Variants in MAP4 observed in about 807,000 individuals in gnomAD.
MAP4 encodes the protein microtubule-associated protein 4.
In MAP4, 76 loss-of-function variants were observed where a neutral mutation model predicts 170.2. The observed-to-expected ratio is 0.45, with a 90% CI of 0.37 to 0.54. The LOEUF is 0.54. MAP4 is among the 20% of genes least tolerant of loss of function. MAP4 has a pLI of 0.00. For missense variants in MAP4, 2,506 were observed against 2,748.0 expected (o/e 0.91, Z 1.97); for synonymous variants, 909 against 994.5 (o/e 0.91, Z 1.62).
chr3:47,866,226 A>T (rs192370367), intron 17 of MAP4, among the ~76,000 whole-genome samples: 3 of 152,012 alleles, frequency 2.0e-5, no homozygotes, highest in Admixed American at 2.0e-4. Flanking sequence ...AGCCCCAGCT[A>T]CTTGGGAGGC....
In MAP4 at chr3:47,855,781, C is replaced by T. The variant is rs527447376; in HGVS notation, c.6584-421G>A. The stretch of plus-strand genomic sequence containing the variant: ...AATTCTCATGAATGCCCTGTCATCA[C>T]GGCCACGGTCCCTGCTTCCCAGCCG... On this transcript the variant is annotated intron_variant, in intron 18 of 20. Coordinates refer to ENST00000683076, the MANE Select transcript of MAP4 (RefSeq NM_001385682.1). This position sits in a 1 kb window ranked among gnomAD's most constrained non-coding sequence, Gnocchi z 5.1. Among the ~76,000 whole-genome samples the T allele has an allele frequency of 1.2e-4, 18 of 152,308 alleles. No homozygotes were observed. In the South Asian group the frequency reaches 3.5e-3, roughly 30 times the overall value.
chr3:47,897,540 T>C (rs2153224434), intron 10 of MAP4, among the ~76,000 whole-genome samples: 1 of 152,184 alleles, frequency 6.6e-6, no homozygotes, highest in East Asian at 1.9e-4. Flanking sequence ...TGCATACACA[T>C]GTGTGTGTAT....
At chr3:47,864,053 T>C (rs188698882) in intron 17 of MAP4, among the ~76,000 whole-genome samples, 3 of 151,890 alleles carry the variant, frequency 2.0e-5, no homozygotes, top group East Asian at 1.9e-4. Flanking sequence ...TCACGGCTCA[T>C]TGCAGTCTCA....
At chr3:47,936,580 G>A (rs905921426) in intron 3 of MAP4, among the ~76,000 whole-genome samples, 7 of 151,572 alleles carry the variant, frequency 4.6e-5, no homozygotes, top group Admixed American at 3.9e-4. Flanking sequence ...TCTTATAATG[G>A]CACACGTAAC....
intron 16 of MAP4, 113 bp from the exon 17 acceptor site, chr3:47,867,451 T>A: frequency 1.3e-6 from 1 of 742,240 alleles, no homozygotes; most frequent in Non-Finnish European, 2.4e-6. Flanking sequence ...AAAGTGTTGT[T>A]AAACCTCCAC....
intron 1 of MAP4, among the ~76,000 whole-genome samples, chr3:48,025,658 G>C (rs572463610): frequency 6.6e-6 from 1 of 151,772 alleles, no homozygotes; most frequent in Non-Finnish European, 1.5e-5. Flanking sequence ...CAGCACTTTG[G>C]GCGGTCAAGG....
chr3:47,982,874 A>G (rs1040824218), intron 2 of MAP4, among the ~76,000 whole-genome samples: 2 of 152,168 alleles, frequency 1.3e-5, no homozygotes, highest in Non-Finnish European at 2.9e-5. Flanking sequence ...GAAATAAATA[A>G]GATTACATGA....
intron 1 of MAP4, among the ~76,000 whole-genome samples, chr3:48,013,934 G>C (rs1176327139): frequency 6.6e-6 from 1 of 152,128 alleles, no homozygotes; most frequent in African/African-American, 2.4e-5. Context: ...TTGTATATCT[G>C]ATCTTTCATT....
intron 3 of MAP4, chr3:47,973,797 C>A (rs183099950): frequency 2.0e-6 from 2 of 985,260 alleles, no homozygotes; most frequent in Admixed American, 1.2e-4. Context: ...CGAAAGAAAC[C>A]CCAAAATCAA....
chr3:48,059,661 G>A (rs2100134124), intron 1 of MAP4, among the ~76,000 whole-genome samples: 1 of 151,976 alleles, frequency 6.6e-6, no homozygotes, highest in Admixed American at 6.6e-5. Context: ...TGGGCTGGGT[G>A]CAGTGGCTCA....
intron 1 of MAP4, among the ~76,000 whole-genome samples, chr3:48,025,433 C>T (rs190082522): frequency 3.1e-4 from 47 of 151,668 alleles, no homozygotes; most frequent in African/African-American, 1.1e-3. Flanking sequence ...GCAGTACAGG[C>T]GTGCATCACC....
At chr3:47,969,876 G>C (rs542450809) in intron 3 of MAP4, among the ~76,000 whole-genome samples, 141 of 151,528 alleles carry the variant, frequency 9.3e-4, no homozygotes, top group African/African-American at 3.3e-3. Flanking sequence ...AAAAAAAAGA[G>C]TCTTAAGCAA....
At chr3:48,079,949 C>CA (rs535174502) in intron 1 of MAP4, among the ~76,000 whole-genome samples, 12,246 of 110,626 alleles carry the variant, frequency 0.11, 1,641 homozygotes, top group African/African-American at 0.33. Context: ...GACTCCGTCT[C>CA]AAAAAAAAAA....
chr3:47,964,523 G>C (rs1422343706), intron 3 of MAP4, among the ~76,000 whole-genome samples: 1 of 151,996 alleles, frequency 6.6e-6, no homozygotes, highest in African/African-American at 2.4e-5. Context: ...TTTGGGGTGG[G>C]GCAATCATGA....
At chr3:47,877,373 T>C in intron 11 of MAP4, 44 bp downstream of exon 11, 1 of 1,443,274 alleles carries the variant, frequency 6.9e-7, no homozygotes, top group Non-Finnish European at 9.8e-7. Context: ...ATACTCCGTT[T>C]AAAAATTATG....
At chr3:48,059,972 CAA>C (rs5848847) in intron 1 of MAP4, among the ~76,000 whole-genome samples, 1 of 138,898 alleles carries the variant, frequency 7.2e-6, no homozygotes, top group Non-Finnish European at 1.5e-5. Flanking sequence ...GACTCTGTCT[CAA>C]AAAAAAAAAA....
chr3:47,871,874 T>G, intron 13 of MAP4, 43 bp downstream of exon 13: 1 of 1,556,982 alleles, frequency 6.4e-7, no homozygotes, highest in Non-Finnish European at 8.7e-7. Flanking sequence ...AAGATCCCAT[T>G]TTCCCCTCCC....
At chr3:47,973,204 AATT>A in intron 3 of MAP4, 2 of 982,198 alleles carry the variant, frequency 2.0e-6, no homozygotes, top group Non-Finnish European at 2.4e-6. Context: ...ATACGAATGA[AATT>A]ATAAAAACAT....
intron 4 of MAP4, among the ~76,000 whole-genome samples, chr3:47,923,966 G>A (rs1305353056): frequency 6.6e-6 from 1 of 152,012 alleles, no homozygotes; most frequent in Non-Finnish European, 1.5e-5. Context: ...CCCCCTTGAG[G>A]GAAAAAAGGA....
Sources: gnomAD v4.1 joint callset for allele counts (sites outside exome capture counted in the v4.1 genomes callset) on GRCh38, gnomAD v4.1.1 for gene constraint, Gnocchi (gnomAD v3.1) non-coding constraint, MANE v1.5 for transcripts, NCBI Gene and HGNC (gene_info 2026-07-23, HGNC 2026-07-21) for gene names.